PPP6R2: variants seen among roughly 807,000 people sequenced by gnomAD.
PPP6R2 encodes protein phosphatase 6 regulatory subunit 2.
In PPP6R2, 62 loss-of-function variants were observed where a neutral mutation model predicts 100.2. That is an observed-to-expected ratio of 0.62 (90% CI 0.50 to 0.76). PPP6R2 has a LOEUF of 0.76. Ranked by LOEUF, PPP6R2 falls within the 30% of genes least tolerant of loss-of-function variation. PPP6R2 has a pLI of 0.00. For synonymous variants in PPP6R2, 525 were observed against 514.7 expected (o/e 1.02, Z -0.27); for missense variants, 1,142 against 1,276.3 (o/e 0.89, Z 1.60).
intron 2 of PPP6R2, among the ~76,000 whole-genome samples, chr22:50,378,356 G>A (rs1387315929): frequency 6.6e-6 from 1 of 152,180 alleles, no homozygotes; most frequent in Non-Finnish European, 1.5e-5. Flanking sequence ...GGAGGCTGAG[G>A]CAGGTGGATC....
At chr22:50,334,258 T>C in the PPP6R2 span, among the ~76,000 whole-genome samples, 1 of 152,204 alleles carries the variant, frequency 6.6e-6, no homozygotes, top group Non-Finnish European at 1.5e-5. Context: ...GAGTAACAGG[T>C]GCCTTCCCAG....
intron 1 of PPP6R2, among the ~76,000 whole-genome samples, chr22:50,352,847 G>A (rs1487349574): frequency 1.3e-5 from 2 of 151,996 alleles, no homozygotes; most frequent in African/African-American, 2.4e-5. Flanking sequence ...GGGGAGGATC[G>A]CTTGAGCTCG....
At chr22:50,387,971 C>T (rs2054585339) in intron 2 of PPP6R2, among the ~76,000 whole-genome samples, 1 of 152,110 alleles carries the variant, frequency 6.6e-6, no homozygotes, top group Admixed American at 6.6e-5. Flanking sequence ...CCTCAGCTCA[C>T]ACCGCAGAGC....
In PPP6R2 at chr22:50,370,286, C is replaced by T. The variant is rs139814492; in HGVS notation, c.-147-1734C>T. ...TAACAGTGCACAGAACTATGTGCCA[C>T]GTCTTGTTTGTTTGTTTTTGAGATG... On this transcript the variant is annotated intron_variant, in intron 1 of 23. Transcript: ENST00000612753. Among the ~76,000 whole-genome samples the T allele has an allele frequency of 1.6e-3, 241 of 152,150 alleles. 1 individual carries two copies. Among genetic ancestry groups the T allele is most frequent in the African/African-American group, 5.3e-3 (222 of 41,522 alleles).
At chr22:50,386,775 A>G (rs58852793) in intron 2 of PPP6R2, among the ~76,000 whole-genome samples, 63,868 of 151,998 alleles carry the variant, frequency 0.42, 13,650 homozygotes, top group South Asian at 0.64. Flanking sequence ...CTCGCAACCC[A>G]TTTACCCAGA....
the PPP6R2 span, among the ~76,000 whole-genome samples, chr22:50,335,967 C>T: frequency 2.0e-5 from 3 of 150,192 alleles, no homozygotes; most frequent in Non-Finnish European, 2.9e-5. Context: ...TGAGCCACTG[C>T]ACCCAGCCAC....
At chr22:50,416,247 CAAGT>C in intron 6 of PPP6R2, 90 bp downstream of exon 6, 1 of 1,134,992 alleles carries the variant, frequency 8.8e-7, no homozygotes, top group Non-Finnish European at 1.3e-6. Context: ...CGAGGGAGGG[CAAGT>C]CATCCCTTTC....
intron 13 of PPP6R2, 91 bp from the exon 14 acceptor site, chr22:50,436,276 G>A (rs1261335217): frequency 1.0e-5 from 12 of 1,165,338 alleles, no homozygotes; most frequent in East Asian, 5.2e-5. Context: ...CCATCCTCCC[G>A]GACCCAGGAT....
At chr22:50,361,067 G>T (rs2047690567) in intron 1 of PPP6R2, among the ~76,000 whole-genome samples, 1 of 152,088 alleles carries the variant, frequency 6.6e-6, no homozygotes, top group Non-Finnish European at 1.5e-5. Flanking sequence ...CTCTCCTCAT[G>T]ATCCCACCAT....
chr22:50,370,465 T>C (rs1240262422), intron 1 of PPP6R2, among the ~76,000 whole-genome samples: 2 of 150,414 alleles, frequency 1.3e-5, no homozygotes, highest in Middle Eastern at 3.5e-3. Context: ...TTTTTTGTGT[T>C]TTTAGTAGAG....
At chr22:50,443,745 G>T (rs1167750302) in intron 22 of PPP6R2, 121 bp from the exon 23 acceptor site, 2 of 1,374,308 alleles carry the variant, frequency 1.5e-6, no homozygotes, top group African/African-American at 1.4e-5. Flanking sequence ...AGGAGTGAGA[G>T]GGGCCAAAGA....
At chr22:50,401,794 G>A (rs149296439) in intron 3 of PPP6R2, among the ~76,000 whole-genome samples, 12,517 of 150,896 alleles carry the variant, frequency 0.083, 813 homozygotes, top group African/African-American at 0.18. Context: ...CACCACGCCC[G>A]GCTAATTTTT....
At chr22:50,407,317 A>C (rs1257863877) in intron 4 of PPP6R2, 1 of 176,148 alleles carries the variant, frequency 5.7e-6, no homozygotes, top group Non-Finnish European at 1.2e-5. Flanking sequence ...ACTGCACTCC[A>C]GCCTGGGCAA....
At chr22:50,334,257 G>T in the PPP6R2 span, among the ~76,000 whole-genome samples, 1 of 152,220 alleles carries the variant, frequency 6.6e-6, no homozygotes, top group East Asian at 1.9e-4. Context: ...TGAGTAACAG[G>T]TGCCTTCCCA....
intron 1 of PPP6R2, among the ~76,000 whole-genome samples, chr22:50,366,453 G>A (rs763630357): frequency 2.5e-4 from 38 of 151,940 alleles, no homozygotes; most frequent in South Asian, 8.3e-4. Flanking sequence ...ACAGGTGCCC[G>A]CCACCATGCC....
chr22:50,389,019 A>G (rs1365403839), intron 2 of PPP6R2: 1 of 152,230 alleles, frequency 6.6e-6, no homozygotes, highest in Non-Finnish European at 1.5e-5. Flanking sequence ...TCATATGGGC[A>G]ACATTCTGTT....
rs1040138238 is a variant in PPP6R2, at chr22:50,444,207, A to T, written c.2840A>T (p.Asp947Val). 2 of 1,612,762 alleles carry T rather than the reference A, an allele frequency of 1.2e-6. No individual in the cohort carries two copies. The highest frequency in any genetic ancestry group is 1.7e-5 in the Admixed American group (1 of 59,870). Residue 947 changes from aspartate to valine, a missense_variant, in exon 24 of 24, where the codon GAT (aspartate) becomes GTT (valine). Transcript: ENST00000612753. The stretch of plus-strand genomic sequence containing the variant: ...CCACCCCATTCCTGCAGGAAGACAG[A>T]TGCCCCGCCAGAAGGAGCTGCCTTA... Reference protein sequence around the residue: ...LGTVTKDGKTDAPPEGAALNG... With the variant: ...LGTVTKDGKTVAPPEGAALNG...
At chr22:50,339,070 T>C (rs1312316042), upstream of PPP6R2, among the ~76,000 whole-genome samples, 1 of 121,586 alleles carries the variant, frequency 8.2e-6, no homozygotes, top group Non-Finnish European at 1.6e-5. Context: ...GTGTGGTGTA[T>C]GTGGTATGTG....
At chr22:50,442,754 G>T (rs1431476021) in intron 22 of PPP6R2, among the ~76,000 whole-genome samples, 2 of 151,758 alleles carry the variant, frequency 1.3e-5, no homozygotes, top group Admixed American at 6.5e-5. Flanking sequence ...GGGTTTCACT[G>T]TGTTAGCCAG....
Sources: gnomAD v4.1 joint callset for allele counts (sites outside exome capture counted in the v4.1 genomes callset) on GRCh38, gnomAD v4.1.1 for gene constraint, MANE v1.5 for transcripts, NCBI Gene and HGNC (gene_info 2026-07-23, HGNC 2026-07-21) for gene names.